SH3BGRL2: variants seen among roughly 807,000 people sequenced by gnomAD.
SH3BGRL2 encodes SH3 domain-binding glutamic acid-rich-like protein 2.
In SH3BGRL2, 21 loss-of-function variants were observed where a neutral mutation model predicts 14.8. The observed-to-expected ratio is 1.42, with a 90% confidence interval of 1.01 to 2.05. The LOEUF (loss-of-function observed/expected upper bound fraction) is 2.05, where lower values mean the gene tolerates loss of function less well. Ranked by LOEUF, SH3BGRL2 falls within the 30% of genes most tolerant of loss-of-function variation. The probability of loss-of-function intolerance (pLI) is 0.00; values close to 1 mark genes in which losing one functional copy is unlikely to be tolerated. For missense variants in SH3BGRL2, 147 were observed against 130.8 expected (o/e 1.12, Z -0.61); for synonymous variants, 50 against 47.8 (o/e 1.05, Z -0.19).
chr6:79,681,211 A>G (rs923981954), intron 2 of SH3BGRL2, among the ~76,000 whole-genome samples: 1 of 152,218 alleles, frequency 6.6e-6, no homozygotes, highest in African/African-American at 2.4e-5. Flanking sequence ...TTTATAATGA[A>G]GAGAGAACAG....
chr6:79,669,748 G>A (rs2127732097), intron 1 of SH3BGRL2, among the ~76,000 whole-genome samples: 1 of 152,078 alleles, frequency 6.6e-6, no homozygotes, highest in South Asian at 2.1e-4. Context: ...CCCAGCCAGG[G>A]GATTTATATT....
At chr6:79,649,976 C>CTG (rs1769249828) in intron 1 of SH3BGRL2, among the ~76,000 whole-genome samples, 2 of 104,212 alleles carry the variant, frequency 1.9e-5, no homozygotes, top group Non-Finnish European at 4.1e-5. Flanking sequence ...TACTCTCTCT[C>CTG]TCTCTCTCTC....
At chr6:79,572,649 C>T in the SH3BGRL2 span, among the ~76,000 whole-genome samples, 1 of 151,856 alleles carries the variant, frequency 6.6e-6, no homozygotes, top group South Asian at 2.1e-4. Context: ...GTATTTTCAG[C>T]AGAGATGGGG....
the SH3BGRL2 span, among the ~76,000 whole-genome samples, chr6:79,571,562 T>C: frequency 6.6e-6 from 1 of 152,182 alleles, no homozygotes; most frequent in African/African-American, 2.4e-5. Context: ...TGGATATACA[T>C]GCACACTGTA....
the SH3BGRL2 span, among the ~76,000 whole-genome samples, chr6:79,541,806 C>G: frequency 6.6e-6 from 1 of 152,064 alleles, no homozygotes; most frequent in Non-Finnish European, 1.5e-5. Context: ...ATAGATGTCC[C>G]CAAAAGTGAT....
chr6:79,672,524 C>T (rs995336154), intron 1 of SH3BGRL2, among the ~76,000 whole-genome samples: 1 of 151,984 alleles, frequency 6.6e-6, no homozygotes, highest in African/African-American at 2.4e-5. Context: ...ACAGTACATA[C>T]AGAGCTTCTG....
chr6:79,599,910 G>C, the SH3BGRL2 span, among the ~76,000 whole-genome samples: 2 of 152,158 alleles, frequency 1.3e-5, no homozygotes, highest in African/African-American at 4.8e-5. Context: ...TGATTACTTA[G>C]TGTGGAGTCC....
the SH3BGRL2 span, among the ~76,000 whole-genome samples, chr6:79,609,914 A>G: frequency 6.6e-6 from 1 of 152,246 alleles, no homozygotes; most frequent in Non-Finnish European, 1.5e-5. Flanking sequence ...CATGTATCCT[A>G]ACAAATAGAT....
intron 1 of SH3BGRL2, among the ~76,000 whole-genome samples, chr6:79,648,519 C>T (rs1229550725): frequency 1.3e-5 from 2 of 151,524 alleles, no homozygotes; most frequent in Non-Finnish European, 2.9e-5. Context: ...CTCCCTTCCA[C>T]CTTTGCCCTC....
chr6:79,611,868 A>G, the SH3BGRL2 span, among the ~76,000 whole-genome samples: 1 of 152,322 alleles, frequency 6.6e-6, no homozygotes, highest in East Asian at 1.9e-4. Flanking sequence ...GTTATCTGTA[A>G]AACAGGCAAC....
chr6:79,549,750 G>A, the SH3BGRL2 span, among the ~76,000 whole-genome samples: 1 of 152,046 alleles, frequency 6.6e-6, no homozygotes, highest in African/African-American at 2.4e-5. Flanking sequence ...TTATAACAGT[G>A]AGTTAATAGA....
chr6:79,696,602 A>T, intron 3 of SH3BGRL2, 37 bp downstream of exon 3: 3 of 1,436,426 alleles, frequency 2.1e-6, no homozygotes, highest in Non-Finnish European at 2.8e-6. Flanking sequence ...TTTAGAATTC[A>T]TCTCTTTTGA....
chr6:79,661,820 T>C (rs1184538469), intron 1 of SH3BGRL2, among the ~76,000 whole-genome samples: 3 of 152,214 alleles, frequency 2.0e-5, no homozygotes, highest in African/African-American at 7.2e-5. Flanking sequence ...TGCTCCTGTA[T>C]TGGATGCATA....
At chr6:79,656,723 A>G (rs1300629432) in intron 1 of SH3BGRL2, among the ~76,000 whole-genome samples, 1 of 152,224 alleles carries the variant, frequency 6.6e-6, no homozygotes, top group Non-Finnish European at 1.5e-5. Flanking sequence ...GATTTAGAGT[A>G]TAAGGGAGGA....
At chr6:79,560,900 G>A in the SH3BGRL2 span, among the ~76,000 whole-genome samples, 120 of 44,360 alleles carry the variant, frequency 2.7e-3, no homozygotes, top group African/African-American at 9.8e-3. Flanking sequence ...TTTTTTTTGA[G>A]ACAGAGTTTT....
chr6:79,665,699 G>A (rs919118215), intron 1 of SH3BGRL2, among the ~76,000 whole-genome samples: 2 of 152,162 alleles, frequency 1.3e-5, no homozygotes, highest in African/African-American at 2.4e-5. Flanking sequence ...AAGTGCCAGG[G>A]ACTGTGCTAG....
chr6:79,574,409 G>C, the SH3BGRL2 span: 1 of 152,198 alleles, frequency 6.6e-6, no homozygotes, highest in Non-Finnish European at 1.5e-5. Flanking sequence ...TTTACATCCT[G>C]TCTTTGGGCA....
intron 2 of SH3BGRL2, among the ~76,000 whole-genome samples, chr6:79,692,707 C>T (rs1489087736): frequency 1.3e-5 from 2 of 152,094 alleles, no homozygotes; most frequent in African/African-American, 2.4e-5. Flanking sequence ...TTCTGTTCCA[C>T]TGATCTATAT....
intron 2 of SH3BGRL2, among the ~76,000 whole-genome samples, chr6:79,686,708 T>C (rs1770104891): frequency 6.6e-6 from 1 of 152,200 alleles, no homozygotes; most frequent in Admixed American, 6.5e-5. Flanking sequence ...CTGTAAGTTA[T>C]CTCTATGTTC....
Sources: allele counts gnomAD v4.1 joint callset (sites outside exome capture counted in the v4.1 genomes callset), GRCh38; gene constraint gnomAD v4.1.1; transcripts MANE v1.5; gene names NCBI Gene and HGNC (gene_info 2026-07-23, HGNC 2026-07-21).